KMT2C: variants seen among roughly 807,000 people sequenced by gnomAD.
The protein encoded by KMT2C is lysine methyltransferase 2C.
Under a neutral mutation model 507.9 loss-of-function variants are expected in KMT2C, and 88 were observed. That is an observed-to-expected ratio of 0.17 (90% CI 0.15 to 0.21). The LOEUF is 0.21. Ranked by LOEUF, KMT2C falls within the 10% of genes least tolerant of loss-of-function variation. The pLI, the probability that KMT2C is intolerant of heterozygous loss-of-function variation, is 1.00. For synonymous variants in KMT2C, 2,049 were observed against 2,080.8 expected, an observed-to-expected ratio of 0.98 and a Z score of 0.42; for missense variants, 4,954 against 5,957.8, an observed-to-expected ratio of 0.83 and a Z score of 5.55.
chr7:152,271,946 T>A (rs2095982631), intron 7 of KMT2C, among the ~76,000 whole-genome samples: 1 of 152,120 alleles, frequency 6.6e-6, no homozygotes, highest in South Asian at 2.1e-4. Context: ...TATTGACTGC[T>A]GAAAAGGTAT....
rs778697391 is a variant in KMT2C, at chr7:152,139,269, AAGTC to A, written c.14461-14_14461-11del. The stretch of plus-strand genomic sequence containing the variant: ...TGTACACACCACGGTTCTGAGGGAA[AAGTC>A]AGTCAGTAAGTCATCAATGTCGACC... On this transcript the variant is annotated splice_polypyrimidine_tract_variant and intron_variant, in intron 56 of 58. Coordinates refer to ENST00000262189, the MANE Select transcript of KMT2C (RefSeq NM_170606.3). 9.9e-6 allele frequency: 16 copies of A among 1,612,716 alleles called. No homozygotes were observed. The highest frequency in any genetic ancestry group is 9.3e-5 in the African/African-American group (7 of 75,032).
At position 152,148,704 on chromosome 7, in the gene KMT2C, T is replaced by C. The variant is rs751906840; in HGVS notation, c.13223A>G (p.Glu4408Gly). ...TGGTCCATCTGTCAATCCATCACCTTCTTCATGACAAAAGCAACATTTCCG... is the reference window on the plus strand; with the variant it reads ...TGGTCCATCTGTCAATCCATCACCTCCTTCATGACAAAAGCAACATTTCCG... Reference protein sequence around the residue: ...DYRKCCFCHEEGDGLTDGPAR... With the variant: ...DYRKCCFCHEGGDGLTDGPAR... The change falls in exon 52 of 59, where the codon GAA becomes GGA. Residue 4408 changes from glutamate (E) to glycine (G), a missense_variant. Around this residue, in one of 29 missense-constraint regions of KMT2C, gnomAD observed 39 missense variants for 101.8 expected, o/e 0.38. Coordinates refer to ENST00000262189, the MANE Select transcript of KMT2C (RefSeq NM_170606.3). This position sits in a 1 kb window ranked among gnomAD's most constrained non-coding sequence, Gnocchi z 7.1. The C allele has an allele frequency of 6.8e-6, 11 of 1,614,170 alleles. No homozygotes were observed. Among genetic ancestry groups the C allele is most frequent in the Non-Finnish European group, 9.3e-6 (11 of 1,180,034 alleles).
At chr7:152,366,900 C>G in intron 1 of KMT2C, 1 of 422,370 alleles carries the variant, frequency 2.4e-6, no homozygotes, top group South Asian at 2.7e-5. Flanking sequence ...GCGGCGCGAG[C>G]TGGCGCTGCG....
Position 152,136,461 on chromosome 7 carries a change from C to T in KMT2C, c.*371G>A, listed in dbSNP as rs1473919631. On this transcript the variant is annotated 3_prime_UTR_variant, in exon 59 of 59. Coordinates refer to ENST00000262189, the MANE Select transcript of KMT2C (RefSeq NM_170606.3). ...CCCCTGCCCGGGGCAGGGCAGCCAT[C>T]GGCTCTTTGCCCCAGTAAAAGTTTC... 3.5e-5 allele frequency: 9 copies of T among 257,850 alleles called. No individual in the cohort carries two copies. Among genetic ancestry groups the T allele is most frequent in the East Asian group, 2.9e-4 (5 of 17,060 alleles). 16.0% of individuals were successfully genotyped at this position (257,850 alleles called of 1,614,324 possible).
chr7:152,356,909 TA>T (rs754529079), intron 2 of KMT2C, among the ~76,000 whole-genome samples: 342 of 142,088 alleles, frequency 2.4e-3, no homozygotes, highest in Middle Eastern at 7.5e-3. Flanking sequence ...ATAATAATAA[TA>T]ATAATAATAA....
chr7:152,308,509 C>G (rs2096640034), intron 6 of KMT2C, among the ~76,000 whole-genome samples: 1 of 151,632 alleles, frequency 6.6e-6, no homozygotes, highest in African/African-American at 2.4e-5. Context: ...AACCACATCT[C>G]TACTAAATAT....
intron 2 of KMT2C, among the ~76,000 whole-genome samples, chr7:152,334,165 A>G (rs2096910725): frequency 6.6e-6 from 1 of 152,220 alleles, no homozygotes; most frequent in Admixed American, 6.5e-5. Flanking sequence ...TGTAGAACGT[A>G]GACAAAGGGG....
chr7:152,176,621 C>T lies in KMT2C; in HGVS notation c.8832G>A (p.Pro2944=), dbSNP rs201822389. The stretch of plus-strand genomic sequence containing the variant: ...TTGACACATGATTGGATGGGGAGGC[C>T]GGCAGAGTTGGTGGTGGTGGAGACC... ...PSGSPPPPTL[P]ASPSNHVSSL... The change falls in exon 38 of 59, where the codon CCG becomes CCA. Residue 2944 remains proline (P), a synonymous_variant. Coordinates refer to ENST00000262189, the MANE Select transcript of KMT2C (RefSeq NM_170606.3). 15 of 1,614,118 alleles carry T rather than the reference C, an allele frequency of 9.3e-6. No homozygotes were observed. Among genetic ancestry groups the T allele is most frequent in the South Asian group, 4.4e-5 (4 of 91,080 alleles).
chr7:152,226,219 C>CTTTTTTTTTTTTTTTTTTTTTT (rs869076803), intron 18 of KMT2C, among the ~76,000 whole-genome samples: 1 of 94,958 alleles, frequency 1.1e-5, no homozygotes, highest in African/African-American at 4.2e-5. Flanking sequence ...ATTACAAGGC[C>CTTTTTTTTTTTTTTTTTTTTTT]TTTTTTTTTT....
intron 6 of KMT2C, among the ~76,000 whole-genome samples, chr7:152,278,071 G>A (rs2096120342): frequency 6.6e-6 from 1 of 152,066 alleles, no homozygotes; most frequent in African/African-American, 2.4e-5. Flanking sequence ...CCCCAATGTT[G>A]GAGGTGGGGC....
chr7:152,321,535 C>T (rs1040869408), intron 3 of KMT2C, among the ~76,000 whole-genome samples: 3 of 151,472 alleles, frequency 2.0e-5, no homozygotes, highest in Non-Finnish European at 4.4e-5. Flanking sequence ...AAGACTCCAC[C>T]AAAAAACTGT....
intron 23 of KMT2C, among the ~76,000 whole-genome samples, chr7:152,214,978 G>A (rs2094537407): frequency 6.6e-6 from 1 of 151,946 alleles, no homozygotes; most frequent in Non-Finnish European, 1.5e-5. Context: ...AGTAACTATG[G>A]AAGGTGAAGG....
At chr7:152,317,955 T>G (rs1026231014) in intron 3 of KMT2C, among the ~76,000 whole-genome samples, 7 of 151,768 alleles carry the variant, frequency 4.6e-5, no homozygotes, top group African/African-American at 9.7e-5. Context: ...CCAGCCAACA[T>G]GGTGAAACCC....
intron 1 of KMT2C, among the ~76,000 whole-genome samples, chr7:152,389,821 T>C (rs1376402809): frequency 6.6e-6 from 1 of 152,164 alleles, no homozygotes; most frequent in Non-Finnish European, 1.5e-5. Context: ...TGGTCCATAT[T>C]TAAATCCTCT....
chr7:152,316,176 T>C (rs571832487), intron 3 of KMT2C, among the ~76,000 whole-genome samples: 3 of 152,166 alleles, frequency 2.0e-5, no homozygotes, highest in African/African-American at 7.2e-5. Context: ...AAAGGGATGA[T>C]TAGGAGCAAA....
At chr7:152,304,005 G>T (rs538050497) in intron 6 of KMT2C, among the ~76,000 whole-genome samples, 62 of 151,850 alleles carry the variant, frequency 4.1e-4, no homozygotes, top group Non-Finnish European at 7.8e-4. Flanking sequence ...CAAAAAAAAA[G>T]AGAGAGAAGA....
At chr7:152,324,060 T>C (rs968196719) in intron 3 of KMT2C, among the ~76,000 whole-genome samples, 20 of 151,456 alleles carry the variant, frequency 1.3e-4, no homozygotes, top group African/African-American at 3.4e-4. Flanking sequence ...AAATAGTAAG[T>C]TGTTGGTCAA....
intron 1 of KMT2C, among the ~76,000 whole-genome samples, chr7:152,387,008 A>G (rs984447953): frequency 6.6e-6 from 1 of 152,180 alleles, no homozygotes; most frequent in Non-Finnish European, 1.5e-5. Flanking sequence ...TTAATATGCC[A>G]TAAGAATAAC....
intron 38 of KMT2C, among the ~76,000 whole-genome samples, chr7:152,174,579 T>C (rs771164723): frequency 6.6e-6 from 1 of 152,198 alleles, no homozygotes; most frequent in Non-Finnish European, 1.5e-5. Context: ...AATAAGAATT[T>C]GCAATACTAA....
Sources: gnomAD v4.1 joint callset for allele counts (sites outside exome capture counted in the v4.1 genomes callset) on GRCh38, gnomAD v4.1.1 for gene constraint, gnomAD v4.1.1 regional missense constraint, Gnocchi (gnomAD v3.1) non-coding constraint, MANE v1.5 for transcripts, NCBI Gene and HGNC (gene_info 2026-07-23, HGNC 2026-07-21) for gene names.